TMC1: variants seen among roughly 807,000 people sequenced by gnomAD.
TMC1 encodes the protein transmembrane channel-like protein 1.
Under a neutral mutation model 105.8 loss-of-function variants are expected in TMC1, and 84 were observed. The observed-to-expected ratio is 0.79, with a 90% CI of 0.67 to 0.95. The LOEUF (loss-of-function observed/expected upper bound fraction) is 0.95, where lower values mean the gene tolerates loss of function less well. Ranked by LOEUF, TMC1 falls within the 40% of genes least tolerant of loss-of-function variation. The pLI, the probability that TMC1 is intolerant of heterozygous loss-of-function variation, is 0.00. For synonymous variants in TMC1, 315 were observed against 311.5 expected (o/e 1.01, Z -0.12); for missense variants, 817 against 914.1 (o/e 0.89, Z 1.37).
chr9:72,672,136 C>T (rs1826133855), intron 5 of TMC1, among the ~76,000 whole-genome samples: 1 of 152,152 alleles, frequency 6.6e-6, no homozygotes, highest in African/African-American at 2.4e-5. Context: ...CTGGTGCTCC[C>T]TTCATCCAAC....
At chr9:72,715,558 A>G (rs989033594) in intron 8 of TMC1, among the ~76,000 whole-genome samples, 33 of 151,828 alleles carry the variant, frequency 2.2e-4, no homozygotes, top group African/African-American at 7.3e-4. Context: ...CGATTCGGCT[A>G]TTCATACTCG....
At chr9:72,532,036 A>AT (rs2132058042) in intron 1 of TMC1, among the ~76,000 whole-genome samples, 1 of 152,016 alleles carries the variant, frequency 6.6e-6, no homozygotes, top group East Asian at 2.0e-4. Context: ...GGGTTAAGTG[A>AT]TTCTCCTGCC....
intron 5 of TMC1, among the ~76,000 whole-genome samples, chr9:72,681,233 CTGAATATATA>C: frequency 6.6e-6 from 1 of 152,214 alleles, no homozygotes; most frequent in South Asian, 2.1e-4. Context: ...AGCATACACT[CTGAATATATA>C]TTATGACAGC....
chr9:72,762,772 C>T (rs969555901), intron 12 of TMC1, among the ~76,000 whole-genome samples: 9 of 152,290 alleles, frequency 5.9e-5, no homozygotes, highest in Non-Finnish European at 1.2e-4. Flanking sequence ...GGCTGCTGCT[C>T]AGGCATGTAA....
At chr9:72,752,107 C>A (rs1827589694) in intron 11 of TMC1, 151 bp downstream of exon 11, 2 of 671,826 alleles carry the variant, frequency 3.0e-6, no homozygotes, top group East Asian at 2.7e-5. Context: ...AAAATGGTGC[C>A]CATGGGCCAA....
intron 8 of TMC1, among the ~76,000 whole-genome samples, chr9:72,724,978 C>T (rs1827089327): frequency 6.6e-6 from 1 of 151,956 alleles, no homozygotes; most frequent in African/African-American, 2.4e-5. Flanking sequence ...AGCAAATATG[C>T]ACCTAATAAG....
intron 5 of TMC1, among the ~76,000 whole-genome samples, chr9:72,685,656 G>A (rs1319035601): frequency 1.3e-5 from 2 of 152,158 alleles, no homozygotes; most frequent in African/African-American, 2.4e-5. Flanking sequence ...GAGCCACTGC[G>A]CCTGGCCTAT....
At chr9:72,676,665 C>G (rs1263856317) in intron 5 of TMC1, among the ~76,000 whole-genome samples, 1 of 152,108 alleles carries the variant, frequency 6.6e-6, no homozygotes, top group Non-Finnish European at 1.5e-5. Context: ...AGGCAACAAC[C>G]TGAAAGCTCT....
rs545507698 is a variant in TMC1 at position 72,619,680 on chromosome 9, AAT to A, written c.-196+3208_-196+3209del. ...TTTACTAAACAAAAAATTAAAAATT[AAT>A]ATATTTTATAAAAACAAAAGCATAT... On this transcript the variant is annotated intron_variant, in intron 3 of 23. Coordinates refer to ENST00000297784, the MANE Select transcript of TMC1 (RefSeq NM_138691.3). Among the ~76,000 whole-genome samples, 404 of 151,952 alleles carry A rather than the reference AAT, an allele frequency of 2.7e-3. 4 individuals are homozygous for A. The highest frequency in any genetic ancestry group is 9.2e-3 in the African/African-American group (382 of 41,526).
chr9:72,689,097 T>G (rs1027675423), intron 6 of TMC1, among the ~76,000 whole-genome samples: 7 of 152,156 alleles, frequency 4.6e-5, no homozygotes, highest in African/African-American at 1.7e-4. Flanking sequence ...TTGTCCATTT[T>G]TATGCTTAGG....
intron 16 of TMC1, 30 bp from the exon 17 acceptor site, chr9:72,792,161 C>T (rs1213888411): frequency 1.2e-6 from 2 of 1,613,928 alleles, no homozygotes; most frequent in Non-Finnish European, 1.7e-6. Flanking sequence ...CTGTTGTCTT[C>T]ATTTTAGTTT....
At position 72,637,890 on chromosome 9, in the gene TMC1, T is replaced by G. The variant is rs7026209; in HGVS notation, c.-53+9827T>G. The stretch of plus-strand genomic sequence containing the variant: ...ATTCCAGTAATAAGGAATCATGGAT[T>G]GTGGCAGTCTTTTTAAAACATAAAC... On this transcript the variant is annotated intron_variant, in intron 4 of 23. Coordinates refer to ENST00000297784, the MANE Select transcript of TMC1 (RefSeq NM_138691.3). 3.1e-3 allele frequency among the ~76,000 whole-genome samples: 466 copies of G among 152,356 alleles called. 3 individuals are homozygous for G. The highest frequency in any genetic ancestry group is 0.011 in the African/African-American group (444 of 41,592).
At chr9:72,761,269 TAAAG>T (rs913198225) in intron 12 of TMC1, among the ~76,000 whole-genome samples, 1 of 152,050 alleles carries the variant, frequency 6.6e-6, no homozygotes, top group Non-Finnish European at 1.5e-5. Context: ...ATAGAAATGA[TAAAG>T]AAGAAAAGGC....
At chr9:72,774,659 GGCATGGAC>G (rs1827980169) in intron 13 of TMC1, among the ~76,000 whole-genome samples, 1 of 152,072 alleles carries the variant, frequency 6.6e-6, no homozygotes, top group Admixed American at 6.6e-5. Flanking sequence ...CCTTCCCTCT[GGCATGGAC>G]CTTTGGCTGC....
chr9:72,700,912 T>G (rs1455751412), intron 8 of TMC1, among the ~76,000 whole-genome samples: 2 of 151,868 alleles, frequency 1.3e-5, no homozygotes, highest in Non-Finnish European at 2.9e-5. Flanking sequence ...TATTTACATA[T>G]ATCTGTTTCT....
chr9:72,684,395 G>A (rs1000028431), intron 5 of TMC1, among the ~76,000 whole-genome samples: 8 of 152,208 alleles, frequency 5.3e-5, no homozygotes, highest in Middle Eastern at 3.4e-3. Context: ...CTTATGATAC[G>A]TCTCTGATGC....
chr9:72,616,102 A>G (rs1014985094), intron 2 of TMC1, among the ~76,000 whole-genome samples: 1 of 152,216 alleles, frequency 6.6e-6, no homozygotes, highest in African/African-American at 2.4e-5. Context: ...CTGCTAAAAC[A>G]GAGAATATTA....
chr9:72,798,478 T>C (rs191104852), intron 17 of TMC1, among the ~76,000 whole-genome samples: 2 of 152,152 alleles, frequency 1.3e-5, no homozygotes, highest in African/African-American at 4.8e-5. Context: ...CAATGACAGA[T>C]TGGATAGGGA....
At position 72,627,933 on chromosome 9, in the gene TMC1, C is replaced by T. The variant is rs1825379011; in HGVS notation, c.-183C>T. The T allele has an allele frequency of 2.4e-6, 1 of 413,372 alleles. No homozygotes were observed. Among genetic ancestry groups the T allele is most frequent in the Non-Finnish European group, 4.8e-6 (1 of 208,698 alleles). 25.6% of individuals were successfully genotyped at this position (413,372 alleles called of 1,614,324 possible). On this transcript the variant is annotated 5_prime_UTR_variant, in exon 4 of 24. Transcript: ENST00000297784. ...TTTCATATTTTAGGATGCCAGAAGC[C>T]TCAAAAATGGAAAACCCCCTGTGCT... is the stretch of plus-strand genomic sequence containing the variant.
Sources: gnomAD v4.1 joint callset for allele counts (sites outside exome capture counted in the v4.1 genomes callset) on GRCh38, gnomAD v4.1.1 for gene constraint, MANE v1.5 for transcripts, NCBI Gene and HGNC (gene_info 2026-07-23, HGNC 2026-07-21) for gene names.